Variants in ARMH4 observed in about 807,000 individuals in gnomAD.
ARMH4 encodes armadillo like helical domain containing 4, also known as armadillo-like helical domain-containing protein 4.
A neutral mutation model predicts 61.9 loss-of-function variants in ARMH4; 49 were observed. That is an observed-to-expected ratio of 0.79 (90% CI 0.63 to 1.00). The LOEUF (loss-of-function observed/expected upper bound fraction) is 1.00, where lower values mean the gene tolerates loss of function less well. ARMH4 is among the 50% of genes least tolerant of loss of function. The pLI, the probability that ARMH4 is intolerant of heterozygous loss-of-function variation, is 0.00. For synonymous variants in ARMH4, 368 were observed against 341.5 expected (o/e 1.08, Z -0.85); for missense variants, 934 against 930.0 (o/e 1.00, Z -0.06).
intron 7 of ARMH4, 51 bp from the exon 8 acceptor site, chr14:58,004,855 G>A: frequency 6.4e-7 from 1 of 1,571,432 alleles, no homozygotes; most frequent in Non-Finnish European, 8.7e-7. Context: ...ACAGAGCAAA[G>A]CTGAGAAACA....
intron 5 of ARMH4, among the ~76,000 whole-genome samples, chr14:58,061,360 G>C (rs1162511922): frequency 6.6e-6 from 1 of 152,034 alleles, no homozygotes; most frequent in East Asian, 1.9e-4. Flanking sequence ...CCTCCTACTA[G>C]TGATAACCAT....
intron 5 of ARMH4, among the ~76,000 whole-genome samples, chr14:58,018,452 C>A (rs1882695697): frequency 7.3e-6 from 1 of 137,842 alleles, no homozygotes. Context: ...GGGGGAAGGA[C>A]TGAATAGACA....
intron 5 of ARMH4, among the ~76,000 whole-genome samples, chr14:58,095,007 G>A (rs1422562472): frequency 1.3e-5 from 2 of 152,158 alleles, no homozygotes; most frequent in Non-Finnish European, 2.9e-5. Context: ...GCATTGAGGA[G>A]CATGATAATA....
chr14:58,116,397 G>T, intron 4 of ARMH4: 1 of 380,716 alleles, frequency 2.6e-6, no homozygotes, highest in Admixed American at 2.7e-5. Context: ...TTTCTTGGCT[G>T]GGTGCAGGAG....
chr14:58,068,508 T>C (rs112057550), intron 5 of ARMH4, among the ~76,000 whole-genome samples: 7 of 152,232 alleles, frequency 4.6e-5, no homozygotes, highest in South Asian at 2.1e-4. Flanking sequence ...TGACAACCAA[T>C]GCATTTGGGG....
intron 3 of ARMH4, 22 bp downstream of exon 3, chr14:58,133,068 T>C (rs1162376414): frequency 6.2e-7 from 1 of 1,612,838 alleles, no homozygotes. Flanking sequence ...CAAAACAGAG[T>C]CCAATATCCT....
chr14:58,149,186 C>G (rs778929730), intron 1 of ARMH4, among the ~76,000 whole-genome samples: 2 of 152,088 alleles, frequency 1.3e-5, no homozygotes, highest in Non-Finnish European at 2.9e-5. Flanking sequence ...TAAAGCTGAG[C>G]TTATAAAGAC....
intron 5 of ARMH4, among the ~76,000 whole-genome samples, chr14:58,093,139 G>T: frequency 6.6e-6 from 1 of 152,112 alleles, no homozygotes; most frequent in East Asian, 1.9e-4. Context: ...GGAAAGACAT[G>T]TTTGCTTCCC....
intron 5 of ARMH4, among the ~76,000 whole-genome samples, chr14:58,093,261 G>C (rs951722008): frequency 5.3e-5 from 8 of 152,074 alleles, no homozygotes; most frequent in African/African-American, 1.9e-4. Flanking sequence ...CTTCATAGCA[G>C]CATGACAACA....
intron 5 of ARMH4, among the ~76,000 whole-genome samples, chr14:58,089,648 A>G (rs1242443181): frequency 5.3e-5 from 8 of 152,254 alleles, no homozygotes; most frequent in African/African-American, 1.9e-4. Context: ...CTACCCAGAT[A>G]GCAGTTCTGC....
At chr14:58,035,630 C>CAACAA (rs1371730605) in intron 5 of ARMH4, among the ~76,000 whole-genome samples, 1 of 31,606 alleles carries the variant, frequency 3.2e-5, no homozygotes, top group Admixed American at 2.8e-4. Context: ...TTGAAAGGAT[C>CAACAA]AACAAAATTG....
intron 4 of ARMH4, among the ~76,000 whole-genome samples, chr14:58,114,330 C>T (rs1225077522): frequency 1.3e-5 from 2 of 152,266 alleles, no homozygotes; most frequent in East Asian, 1.9e-4. Flanking sequence ...CCTAGCACAA[C>T]AATGATATCA....
chr14:58,108,156 C>T (rs1369978802), intron 4 of ARMH4, among the ~76,000 whole-genome samples: 1 of 152,100 alleles, frequency 6.6e-6, no homozygotes, highest in Non-Finnish European at 1.5e-5. Context: ...GATGGCTCTC[C>T]AGGATCATAA....
At chr14:58,117,012 C>A (rs549109992) in intron 4 of ARMH4, among the ~76,000 whole-genome samples, 1 of 152,178 alleles carries the variant, frequency 6.6e-6, no homozygotes, top group African/African-American at 2.4e-5. Context: ...AGTACAGCAG[C>A]ACAACCACAG....
chr14:58,085,606 G>C (rs1885353797), intron 5 of ARMH4, among the ~76,000 whole-genome samples: 1 of 152,122 alleles, frequency 6.6e-6, no homozygotes, highest in African/African-American at 2.4e-5. Context: ...AAATGCATTT[G>C]TAATAAAAGA....
chr14:58,022,877 T>C (rs1392185623), intron 5 of ARMH4, among the ~76,000 whole-genome samples: 1 of 152,244 alleles, frequency 6.6e-6, no homozygotes, highest in Non-Finnish European at 1.5e-5. Context: ...CAATAAGATA[T>C]GTCACACAAA....
chr14:58,140,720 G>A (rs1020698747), intron 1 of ARMH4, among the ~76,000 whole-genome samples: 1 of 152,066 alleles, frequency 6.6e-6, no homozygotes, highest in Non-Finnish European at 1.5e-5. Flanking sequence ...GGCCAACATG[G>A]TGAAACCCCG....
intron 1 of ARMH4, among the ~76,000 whole-genome samples, chr14:58,146,240 C>T (rs1203179621): frequency 2.0e-5 from 3 of 152,224 alleles, no homozygotes; most frequent in Non-Finnish European, 2.9e-5. Flanking sequence ...AGGAGAGATT[C>T]CATTGCATAT....
intron 2 of ARMH4, 114 bp from the exon 3 acceptor site, chr14:58,133,455 T>C (rs1887196335): frequency 2.0e-6 from 2 of 984,822 alleles, no homozygotes; most frequent in African/African-American, 1.7e-5. Flanking sequence ...TTTCAGGAAC[T>C]GGGGAAGCAA....
Sources: gnomAD v4.1 joint callset for allele counts (sites outside exome capture counted in the v4.1 genomes callset) on GRCh38, gnomAD v4.1.1 for gene constraint, MANE v1.5 for transcripts, NCBI Gene and HGNC (gene_info 2026-07-23, HGNC 2026-07-21) for gene names.